The following PRORP variants were observed in gnomAD, a reference collection of about 807,000 sequenced individuals.
PRORP encodes mitochondrial ribonuclease P catalytic subunit.
PRORP carries 51 observed loss-of-function variants against 59.4 expected under a neutral mutation model. The ratio of observed to expected loss-of-function variants is 0.86; its 90% CI spans 0.69 to 1.08. PRORP has a LOEUF of 1.08. Ranked by LOEUF, PRORP falls within the 50% of genes least tolerant of loss-of-function variation. The pLI is 0.00. For missense variants in PRORP, 646 were observed against 690.3 expected (o/e 0.94, Z 0.72); for synonymous variants, 231 against 245.6 (o/e 0.94, Z 0.55).
intron 4 of PRORP, among the ~76,000 whole-genome samples, chr14:35,151,907 TTTC>T (rs1045477196): frequency 1.7e-4 from 26 of 151,856 alleles, no homozygotes; most frequent in African/African-American, 6.0e-4. Context: ...TCTAATTTTT[TTTC>T]TTCTTTTTTT....
chr14:35,233,098 C>CTAATT, intron 5 of PRORP, among the ~76,000 whole-genome samples: 1 of 137,102 alleles, frequency 7.3e-6, no homozygotes, highest in Admixed American at 8.9e-5. Flanking sequence ...TTCAGTTTCC[C>CTAATT]CTTTTCTTTT....
chr14:35,124,162 C>T lies in PRORP; in HGVS notation c.917C>T (p.Ser306Leu). ...NYSNKLLDIL[S>L]YLRNNQLYPG... ...TCAAATAAACTACTAGATATTCTTT[C>T]ATATCTAAGAAATAATCAGCTGTAT... Residue 306 changes from serine (S) to leucine (L), a missense_variant, in exon 2 of 8, where the codon TCA becomes TTA. Ser to Leu is a moderately radical substitution (Grantham distance 145). Coordinates refer to ENST00000534898, the MANE Select transcript of PRORP (RefSeq NM_014672.4). 6.3e-7 allele frequency: 1 copy of T among 1,599,216 alleles called. No individual in the cohort carries two copies.
upstream of PRORP, chr14:35,121,861 G>A (rs201469705): frequency 6.2e-7 from 1 of 1,609,766 alleles, no homozygotes; most frequent in East Asian, 2.2e-5. Flanking sequence ...TAGGAGTTTA[G>A]GGCCGGGCCA....
At chr14:35,128,535 G>A (rs1269916974) in intron 4 of PRORP, among the ~76,000 whole-genome samples, 1 of 151,934 alleles carries the variant, frequency 6.6e-6, no homozygotes, top group Non-Finnish European at 1.5e-5. Flanking sequence ...GTCTCTTCAT[G>A]TTTTTTATTT....
chr14:35,131,683 C>A (rs1294650929), intron 4 of PRORP, among the ~76,000 whole-genome samples: 1 of 151,710 alleles, frequency 6.6e-6, no homozygotes, highest in Non-Finnish European at 1.5e-5. Flanking sequence ...CATCTGCCAC[C>A]ATACCCAGCT....
intron 5 of PRORP, among the ~76,000 whole-genome samples, chr14:35,233,651 A>G (rs8181982): frequency 0.8 from 120,495 of 150,602 alleles, 49,556 homozygotes; most frequent in African/African-American, 0.83. Flanking sequence ...TTTACCTTCT[A>G]CAGTATTGAA....
chr14:35,183,704 G>A (rs768229707), intron 5 of PRORP, among the ~76,000 whole-genome samples: 99 of 152,108 alleles, frequency 6.5e-4, no homozygotes, highest in Non-Finnish European at 7.5e-4. Flanking sequence ...CACCAAAAGT[G>A]TATAATGGTG....
At chr14:35,204,046 C>G (rs138265079) in intron 5 of PRORP, among the ~76,000 whole-genome samples, 1 of 152,316 alleles carries the variant, frequency 6.6e-6, no homozygotes, top group Non-Finnish European at 1.5e-5. Context: ...TTGTATTTCA[C>G]ATATGGTATC....
chr14:35,149,383 T>C (rs2047688356), intron 4 of PRORP, among the ~76,000 whole-genome samples: 1 of 152,052 alleles, frequency 6.6e-6, no homozygotes. Flanking sequence ...TGGATCATTT[T>C]TAAATTTTTT....
intron 5 of PRORP, among the ~76,000 whole-genome samples, chr14:35,260,198 A>G (rs751040295): frequency 2.6e-5 from 4 of 151,950 alleles, no homozygotes; most frequent in African/African-American, 7.3e-5. Context: ...TTTTTAGTAG[A>G]GACAAAATCT....
chr14:35,192,981 GAA>G (rs57452893), intron 5 of PRORP, among the ~76,000 whole-genome samples: 24 of 139,934 alleles, frequency 1.7e-4, no homozygotes, highest in South Asian at 2.2e-4. Flanking sequence ...TGACAGAGTA[GAA>G]AAAAAAAAAA....
At chr14:35,140,998 C>A (rs990914581) in intron 4 of PRORP, among the ~76,000 whole-genome samples, 1 of 145,750 alleles carries the variant, frequency 6.9e-6, no homozygotes, top group Non-Finnish European at 1.5e-5. Context: ...AAATATTAAA[C>A]TGAAAGATAT....
chr14:35,183,646 A>G (rs1253225347), intron 5 of PRORP, among the ~76,000 whole-genome samples: 1 of 152,136 alleles, frequency 6.6e-6, no homozygotes, highest in Non-Finnish European at 1.5e-5. Flanking sequence ...AGATCTCACT[A>G]TATATTGCCA....
intron 5 of PRORP, among the ~76,000 whole-genome samples, chr14:35,185,175 A>G (rs997020843): frequency 6.6e-6 from 1 of 152,036 alleles, no homozygotes; most frequent in African/African-American, 2.4e-5. Flanking sequence ...CTGCAACCTC[A>G]CCAGCATGTA....
intron 4 of PRORP, chr14:35,159,158 T>C (rs988321245): frequency 1.7e-5 from 3 of 175,554 alleles, no homozygotes; most frequent in Non-Finnish European, 3.6e-5. Context: ...CTCAAAACCT[T>C]CAGCAGTTTC....
intron 6 of PRORP, among the ~76,000 whole-genome samples, chr14:35,268,342 CAAAAAAAA>C (rs769701565): frequency 2.0e-5 from 1 of 50,890 alleles, no homozygotes; most frequent in Non-Finnish European, 4.0e-5. Flanking sequence ...GAGACTGTCT[CAAAAAAAA>C]AAAAAAAAAA....
intron 5 of PRORP, 55 bp downstream of exon 5, chr14:35,180,832 C>A: frequency 8.7e-7 from 1 of 1,146,782 alleles, no homozygotes; most frequent in Non-Finnish European, 1.3e-6. Context: ...TTATTATACC[C>A]ATTTATGACC....
intron 6 of PRORP, among the ~76,000 whole-genome samples, chr14:35,269,675 T>C (rs1488196281): frequency 6.6e-6 from 1 of 152,190 alleles, no homozygotes; most frequent in Non-Finnish European, 1.5e-5. Flanking sequence ...GCAAATTTTG[T>C]CATTTTATCA....
intron 5 of PRORP, among the ~76,000 whole-genome samples, chr14:35,208,195 G>A (rs2049344577): frequency 6.6e-6 from 1 of 152,006 alleles, no homozygotes; most frequent in Non-Finnish European, 1.5e-5. Context: ...CATATCACTG[G>A]CCTTATCAGT....
Sources: gnomAD v4.1 joint callset for allele counts (sites outside exome capture counted in the v4.1 genomes callset) on GRCh38, gnomAD v4.1.1 for gene constraint, MANE v1.5 for transcripts, NCBI Gene and HGNC (gene_info 2026-07-23, HGNC 2026-07-21) for gene names.